The following ZNF407 variants were observed in gnomAD, a reference collection of about 807,000 sequenced individuals.
ZNF407 encodes zinc finger protein 407.
ZNF407 carries 17 observed loss-of-function variants against 131.2 expected under a neutral mutation model. The observed-to-expected ratio is 0.13, with a 90% CI of 0.09 to 0.19. The LOEUF is 0.19. Among genes scored for constraint, ZNF407 ranks in the 10% least tolerant of loss-of-function variants. ZNF407 has a pLI of 1.00. For missense variants in ZNF407, 2,681 were observed against 2,830.6 expected (o/e 0.95, Z 1.20); for synonymous variants, 1,156 against 1,062.0 (o/e 1.09, Z -1.72).
At chr18:75,035,381 A>T (rs530359464) in intron 8 of ZNF407, among the ~76,000 whole-genome samples, 1 of 152,348 alleles carries the variant, frequency 6.6e-6, no homozygotes, top group African/African-American at 2.4e-5. Flanking sequence ...CCATCATTCC[A>T]TCATTTTATT....
chr18:75,049,427 T>A (rs969090143), intron 8 of ZNF407, among the ~76,000 whole-genome samples: 1 of 152,170 alleles, frequency 6.6e-6, no homozygotes, highest in African/African-American at 2.4e-5. Flanking sequence ...TCTGCTCTGA[T>A]AGGCCCACGC....
intron 4 of ZNF407, among the ~76,000 whole-genome samples, chr18:74,797,311 G>A (rs185189519): frequency 2.4e-4 from 36 of 152,304 alleles, no homozygotes; most frequent in Non-Finnish European, 4.4e-4. Flanking sequence ...TTTGCTTGTC[G>A]TTAAAATAAC....
intron 7 of ZNF407, among the ~76,000 whole-genome samples, chr18:74,918,792 A>G (rs1971807941): frequency 1.4e-5 from 2 of 142,234 alleles, no homozygotes; most frequent in Admixed American, 6.7e-5. Context: ...TTGAAAAATA[A>G]GAGTAAGTGG....
intron 8 of ZNF407, among the ~76,000 whole-genome samples, chr18:74,974,627 T>C (rs1413504393): frequency 3.9e-5 from 6 of 152,210 alleles, no homozygotes; most frequent in Non-Finnish European, 5.9e-5. Context: ...AAACTACCAA[T>C]GATGAAGTAG....
At chr18:74,683,428 G>A (rs1345913119) in intron 3 of ZNF407, among the ~76,000 whole-genome samples, 1 of 152,120 alleles carries the variant, frequency 6.6e-6, no homozygotes, top group Non-Finnish European at 1.5e-5. Flanking sequence ...CTGTGGGGTG[G>A]TTTGTGTTTG....
In ZNF407 at chr18:74,982,431, C is replaced by T. The variant is rs74494713; in HGVS notation, c.5428+61739C>T. Among the ~76,000 whole-genome samples the T allele has an allele frequency of 6.5e-3, 983 of 152,258 alleles. 13 individuals are homozygous for T. The highest frequency in any genetic ancestry group is 0.021 in the African/African-American group (887 of 41,524). The stretch of plus-strand genomic sequence containing the variant: ...AAGAAAATCCAATAATTATTATTGG[C>T]GATTATGGAATACTTACCGAGTTAA... On this transcript the variant is annotated intron_variant, in intron 8 of 8. Coordinates refer to ENST00000299687, the MANE Select transcript of ZNF407 (RefSeq NM_017757.3).
At chr18:74,876,065 T>C (rs1205364219) in intron 4 of ZNF407, among the ~76,000 whole-genome samples, 1 of 152,204 alleles carries the variant, frequency 6.6e-6, no homozygotes, top group Non-Finnish European at 1.5e-5. Flanking sequence ...TATCAGCCCT[T>C]ATGGGGCTAA....
chr18:74,675,485 T>C (rs1286097380), intron 3 of ZNF407, among the ~76,000 whole-genome samples: 1 of 152,180 alleles, frequency 6.6e-6, no homozygotes, highest in African/African-American at 2.4e-5. Context: ...GTTCCAGATA[T>C]TGGGAAGAAC....
chr18:74,751,602 T>A (rs1968804906), intron 3 of ZNF407, among the ~76,000 whole-genome samples: 1 of 151,862 alleles, frequency 6.6e-6, no homozygotes, highest in Non-Finnish European at 1.5e-5. Flanking sequence ...AATTCCCACC[T>A]ATGAGTGAGA....
chr18:74,700,498 T>C (rs537843230), intron 3 of ZNF407, among the ~76,000 whole-genome samples: 1 of 152,318 alleles, frequency 6.6e-6, no homozygotes, highest in African/African-American at 2.4e-5. Context: ...CAAGGGCAGG[T>C]GGAGCTAACT....
chr18:75,036,457 T>C (rs1404862639), intron 8 of ZNF407, among the ~76,000 whole-genome samples: 1 of 152,222 alleles, frequency 6.6e-6, no homozygotes, highest in African/African-American at 2.4e-5. Context: ...AGACCTACCT[T>C]GTTCACACCC....
intron 8 of ZNF407, among the ~76,000 whole-genome samples, chr18:74,949,544 T>C (rs1374463372): frequency 6.6e-6 from 1 of 152,216 alleles, no homozygotes; most frequent in Non-Finnish European, 1.5e-5. Flanking sequence ...TACTGAAATA[T>C]CAATACTTTC....
intron 3 of ZNF407, among the ~76,000 whole-genome samples, chr18:74,704,851 C>CTCA (rs1394381101): frequency 1.3e-5 from 2 of 152,138 alleles, no homozygotes; most frequent in African/African-American, 4.8e-5. Flanking sequence ...AGATAACACC[C>CTCA]ATACTATCAT....
At chr18:74,923,025 T>C (rs1971867304) in intron 8 of ZNF407, among the ~76,000 whole-genome samples, 1 of 152,216 alleles carries the variant, frequency 6.6e-6, no homozygotes, top group African/African-American at 2.4e-5. Context: ...ACATGATCAT[T>C]TTTAGCATAA....
At chr18:74,914,429 T>C (rs1346229081) in intron 7 of ZNF407, among the ~76,000 whole-genome samples, 1 of 152,216 alleles carries the variant, frequency 6.6e-6, no homozygotes, top group African/African-American at 2.4e-5. Context: ...TTGCTCACCT[T>C]TCCCCTCCGT....
At chr18:74,838,877 A>G (rs1970593627) in intron 4 of ZNF407, among the ~76,000 whole-genome samples, 1 of 152,256 alleles carries the variant, frequency 6.6e-6, no homozygotes, top group South Asian at 2.1e-4. Context: ...TTTTGCAGCC[A>G]TCAATCATCT....
intron 8 of ZNF407, among the ~76,000 whole-genome samples, chr18:75,049,993 TG>T (rs1973481138): frequency 6.6e-6 from 1 of 152,212 alleles, no homozygotes; most frequent in Non-Finnish European, 1.5e-5. Context: ...TGTCATACTT[TG>T]GGCAATTTTT....
chr18:75,050,357 T>C (rs1341535114), intron 8 of ZNF407, among the ~76,000 whole-genome samples: 1 of 152,256 alleles, frequency 6.6e-6, no homozygotes, highest in Non-Finnish European at 1.5e-5. Flanking sequence ...TTTAAGTGAC[T>C]GTCTAGAATT....
intron 8 of ZNF407, among the ~76,000 whole-genome samples, chr18:75,045,098 G>A (rs992960522): frequency 1.3e-5 from 2 of 150,828 alleles, no homozygotes; most frequent in African/African-American, 2.4e-5. Context: ...GGTGTGGGTG[G>A]GGTGTGTGTG....
Sources: gnomAD v4.1 joint callset for allele counts (sites outside exome capture counted in the v4.1 genomes callset) on GRCh38, gnomAD v4.1.1 for gene constraint, MANE v1.5 for transcripts, NCBI Gene and HGNC (gene_info 2026-07-23, HGNC 2026-07-21) for gene names.